SAMMSON: variants seen among roughly 807,000 people sequenced by gnomAD.
SAMMSON encodes the protein survival associated mitochondrial melanoma specific oncogenic non-coding RNA.
intron 4 of SAMMSON, among the ~76,000 whole-genome samples, chr3:70,143,585 G>T (rs1354445392): frequency 6.6e-6 from 1 of 152,114 alleles, no homozygotes; most frequent in Non-Finnish European, 1.5e-5. Flanking sequence ...ATTGGGTTTG[G>T]CCAATGGGGG....
chr3:70,223,171 G>A (rs1017706350), intron 4 of SAMMSON, among the ~76,000 whole-genome samples: 3 of 152,108 alleles, frequency 2.0e-5, no homozygotes, highest in Admixed American at 6.6e-5. Context: ...TTGTAACAGG[G>A]TGCTAACATG....
chr3:70,114,332 C>A (rs1285968745), intron 4 of SAMMSON, among the ~76,000 whole-genome samples: 1 of 152,170 alleles, frequency 6.6e-6, no homozygotes, highest in African/African-American at 2.4e-5. Flanking sequence ...TGTACTCTTG[C>A]CAGATGTTTC....
At chr3:70,321,065 T>C (rs138208723) in intron 7 of SAMMSON, among the ~76,000 whole-genome samples, 269 of 152,152 alleles carry the variant, frequency 1.8e-3, no homozygotes, top group African/African-American at 6.2e-3. Flanking sequence ...ATGAGTGATT[T>C]TTGATTTTGC....
chr3:70,081,410 G>C (rs1159364330), intron 4 of SAMMSON, among the ~76,000 whole-genome samples: 1 of 152,200 alleles, frequency 6.6e-6, no homozygotes, highest in Non-Finnish European at 1.5e-5. Context: ...ACCGCGCCCG[G>C]CCTCTTCATA....
At chr3:70,324,920 C>CAAA (rs5849946) in intron 7 of SAMMSON, among the ~76,000 whole-genome samples, 253 of 134,900 alleles carry the variant, frequency 1.9e-3, no homozygotes, top group Non-Finnish European at 3.4e-3. Flanking sequence ...TGTAAATGGC[C>CAAA]AAAAAAAAAA....
chr3:70,292,223 T>G (rs1328389870), intron 7 of SAMMSON, among the ~76,000 whole-genome samples: 7 of 152,084 alleles, frequency 4.6e-5, no homozygotes, highest in Non-Finnish European at 8.8e-5. Context: ...CCACATAGAG[T>G]TGTTGTACAG....
intron 4 of SAMMSON, among the ~76,000 whole-genome samples, chr3:70,196,040 C>T (rs1701176060): frequency 1.3e-5 from 2 of 152,156 alleles, no homozygotes; most frequent in Non-Finnish European, 2.9e-5. Flanking sequence ...TTATTTCTTT[C>T]TGGTGTCTAT....
At chr3:70,387,968 AT>A (rs993478987) in intron 9 of SAMMSON, among the ~76,000 whole-genome samples, 1 of 115,810 alleles carries the variant, frequency 8.6e-6, no homozygotes, top group Non-Finnish European at 1.8e-5. Context: ...TTTTGAGCCT[AT>A]TTTTTTTGGT....
chr3:70,199,132 A>C (rs1033736113), intron 4 of SAMMSON, among the ~76,000 whole-genome samples: 1 of 152,160 alleles, frequency 6.6e-6, no homozygotes, highest in Non-Finnish European at 1.5e-5. Context: ...AGTCCACTGG[A>C]TCCTGTCCTT....
chr3:70,299,386 A>G (rs1403078), intron 7 of SAMMSON, among the ~76,000 whole-genome samples: 31,586 of 152,072 alleles, frequency 0.21, 3,480 homozygotes, highest in South Asian at 0.28. Flanking sequence ...TGCATGTGGG[A>G]ATTGAGAATA....
intron 2 of SAMMSON, among the ~76,000 whole-genome samples, chr3:70,406,502 T>G (rs2193550): frequency 0.23 from 34,481 of 152,082 alleles, 4,133 homozygotes; most frequent in South Asian, 0.3. Context: ...AAAAGATAGT[T>G]GACTGCATAA....
chr3:70,224,995 A>C (rs1320680119), intron 4 of SAMMSON, among the ~76,000 whole-genome samples: 2 of 152,174 alleles, frequency 1.3e-5, no homozygotes, highest in Non-Finnish European at 2.9e-5. Context: ...GTGACATGAC[A>C]ATGTTGATAC....
At chr3:70,003,940 A>ATTTATATTATTT (rs2066915954) in intron 1 of SAMMSON, among the ~76,000 whole-genome samples, 2 of 151,970 alleles carry the variant, frequency 1.3e-5, no homozygotes, top group South Asian at 4.1e-4. Context: ...TTTAATTTGC[A>ATTTATATTATTT]TATATTTTAT....
chr3:70,264,039 T>C (rs543969736), intron 6 of SAMMSON, among the ~76,000 whole-genome samples: 52 of 152,362 alleles, frequency 3.4e-4, no homozygotes, highest in African/African-American at 1.2e-3. Context: ...TATCATTATG[T>C]TATAAATTCT....
chr3:70,114,840 T>C (rs1446239007), intron 4 of SAMMSON, among the ~76,000 whole-genome samples: 1 of 152,196 alleles, frequency 6.6e-6, no homozygotes, highest in African/African-American at 2.4e-5. Flanking sequence ...TTAAGTGAGA[T>C]TTCTAAACAA....
At chr3:70,355,616 G>A (rs1472800673) in intron 8 of SAMMSON, among the ~76,000 whole-genome samples, 2 of 151,884 alleles carry the variant, frequency 1.3e-5, no homozygotes, top group African/African-American at 4.8e-5. Flanking sequence ...ACAGGAGAGG[G>A]GAAAAAAATC....
chr3:70,003,991 T>C (rs1438409248), intron 1 of SAMMSON, among the ~76,000 whole-genome samples: 2 of 152,080 alleles, frequency 1.3e-5, no homozygotes, highest in African/African-American at 2.4e-5. Context: ...GGGTACTTAA[T>C]TTTTTACAAA....
At chr3:70,104,550 G>C (rs1039273437) in intron 4 of SAMMSON, among the ~76,000 whole-genome samples, 1 of 152,118 alleles carries the variant, frequency 6.6e-6, no homozygotes, top group Non-Finnish European at 1.5e-5. Context: ...ATGGAGAGGA[G>C]GATGCGAACA....
intron 9 of SAMMSON, among the ~76,000 whole-genome samples, chr3:70,375,557 G>A (rs79762648): frequency 6.6e-6 from 1 of 151,986 alleles, no homozygotes; most frequent in African/African-American, 2.4e-5. Flanking sequence ...AGTTCTCCAG[G>A]TTCATGACCT....
Sources: allele counts gnomAD v4.1 joint callset (sites outside exome capture counted in the v4.1 genomes callset), GRCh38; gene constraint gnomAD v4.1.1; transcripts MANE v1.5; gene names NCBI Gene and HGNC (gene_info 2026-07-23, HGNC 2026-07-21).